The following SPATA6 variants were observed in gnomAD, a reference collection of about 807,000 sequenced individuals.
SPATA6 encodes the protein spermatogenesis-associated protein 6.
In SPATA6, 56 loss-of-function variants were observed where a neutral mutation model predicts 65.3. That is an observed-to-expected ratio of 0.86 (90% CI 0.69 to 1.07). SPATA6 has a LOEUF of 1.07. Among genes scored for constraint, SPATA6 ranks in the 50% least tolerant of loss-of-function variants. The probability of loss-of-function intolerance (pLI) is 0.00; values close to 1 mark genes in which losing one functional copy is unlikely to be tolerated. For synonymous variants in SPATA6, 199 were observed against 213.2 expected, an observed-to-expected ratio of 0.93 and a Z score of 0.58; for missense variants, 590 against 594.8, an observed-to-expected ratio of 0.99 and a Z score of 0.08.
At chr1:48,316,815 T>C (rs1645439524) in intron 11 of SPATA6, among the ~76,000 whole-genome samples, 2 of 152,056 alleles carry the variant, frequency 1.3e-5, no homozygotes, top group South Asian at 4.1e-4. Context: ...GAATCTGCAA[T>C]GAACTAAAAC....
Position 48,355,772 on chromosome 1 carries a change from G to A in SPATA6, c.1095-3C>T. On this transcript the variant is annotated splice_region_variant and splice_polypyrimidine_tract_variant and intron_variant, in intron 10 of 12. Coordinates refer to ENST00000371847, the MANE Select transcript of SPATA6 (RefSeq NM_019073.4). ...GTGAACACCAATCAGAATGAAATCT[G>A]TAGGCAAAAAATAAGTTTTATTTTT... 1.9e-6 allele frequency: 3 copies of A among 1,606,968 alleles called. 1 individual carries two copies. Among genetic ancestry groups the A allele is most frequent in the South Asian group, 2.2e-5 (2 of 89,752 alleles).
chr1:48,273,060 G>A, the SPATA6 span, among the ~76,000 whole-genome samples: 4 of 151,984 alleles, frequency 2.6e-5, no homozygotes, highest in African/African-American at 7.2e-5. Flanking sequence ...TCCTCATTCC[G>A]AATATTGTCT....
chr1:48,463,401 T>C (rs1441314586), intron 1 of SPATA6, among the ~76,000 whole-genome samples: 2 of 152,058 alleles, frequency 1.3e-5, no homozygotes, highest in African/African-American at 2.4e-5. Flanking sequence ...GTAAATCTTA[T>C]GCATCTTGGA....
chr1:48,330,530 G>C (rs1645884992), intron 11 of SPATA6, among the ~76,000 whole-genome samples: 1 of 152,232 alleles, frequency 6.6e-6, no homozygotes, highest in Non-Finnish European at 1.5e-5. Flanking sequence ...CTGGCTGGAG[G>C]GTGCAGCCTC....
chr1:48,433,575 TAAATC>T (rs1199120923), intron 3 of SPATA6, among the ~76,000 whole-genome samples: 1 of 152,130 alleles, frequency 6.6e-6, no homozygotes, highest in Non-Finnish European at 1.5e-5. Flanking sequence ...AGCAAAATAG[TAAATC>T]AAAAGGCTAT....
chr1:48,290,673 C>CAA (rs201609149), downstream of SPATA6, among the ~76,000 whole-genome samples: 1 of 150,986 alleles, frequency 6.6e-6, no homozygotes. Flanking sequence ...AAATGGAAAA[C>CAA]AAAAAAAAGC....
chr1:48,354,714 T>C (rs2175864), intron 11 of SPATA6, among the ~76,000 whole-genome samples: 37,242 of 151,928 alleles, frequency 0.25, 4,774 homozygotes, highest in Admixed American at 0.3. Flanking sequence ...CAATATTATA[T>C]CTTGCTGTTA....
At chr1:48,405,252 C>A (rs188752304) in intron 5 of SPATA6, among the ~76,000 whole-genome samples, 38 of 152,280 alleles carry the variant, frequency 2.5e-4, no homozygotes, top group Admixed American at 2.4e-3. Context: ...CTTCTGCAAA[C>A]GTATCTTCAT....
intron 7 of SPATA6, among the ~76,000 whole-genome samples, chr1:48,398,446 C>T (rs966695464): frequency 3.3e-5 from 5 of 151,610 alleles, no homozygotes; most frequent in African/African-American, 7.3e-5. Flanking sequence ...GGCATATTTA[C>T]ATGTTGGATG....
At chr1:48,471,830 T>C in intron 1 of SPATA6, 128 bp downstream of exon 1, 3 of 1,100,668 alleles carry the variant, frequency 2.7e-6, no homozygotes, top group Admixed American at 4.0e-5. Context: ...CGAAGGGGCG[T>C]GAGGTCGACG....
At position 48,399,719 on chromosome 1, in the gene SPATA6, A is replaced by T. The variant is rs963944106; in HGVS notation, c.487-75T>A. 11 of 1,340,124 alleles carry T rather than the reference A, an allele frequency of 8.2e-6. No individual in the cohort carries two copies. In the African/African-American group the frequency reaches 1.3e-4, roughly 16 times the overall value. 83.0% of individuals were successfully genotyped at this position (1,340,124 alleles called of 1,614,324 possible). A position where few individuals can be genotyped will look rare whatever the true frequency, so the allele number is the denominator to read the frequency against. On this transcript the variant is annotated intron_variant, in intron 6 of 12. Transcript: ENST00000371847. Reference sequence around the variant, plus strand: ...TCCTGTTGGTGGGGAAAAAATTAAAAAGTAATTTAAATAAGACGCAAAATC... The same window carrying T: ...TCCTGTTGGTGGGGAAAAAATTAAATAGTAATTTAAATAAGACGCAAAATC...
At chr1:48,443,854 A>AGGT (rs1655750951) in intron 3 of SPATA6, among the ~76,000 whole-genome samples, 1 of 152,092 alleles carries the variant, frequency 6.6e-6, no homozygotes, top group Non-Finnish European at 1.5e-5. Context: ...TGTTTCCTCT[A>AGGT]GGATCCAGGC....
chr1:48,312,660 G>T (rs1185281557), intron 11 of SPATA6, among the ~76,000 whole-genome samples: 2 of 152,190 alleles, frequency 1.3e-5, no homozygotes, highest in Admixed American at 6.5e-5. Context: ...CCAAAGGAAT[G>T]CAGCTCCTCA....
chr1:48,416,298 G>C (rs1316174862), intron 3 of SPATA6, among the ~76,000 whole-genome samples: 1 of 152,132 alleles, frequency 6.6e-6, no homozygotes, highest in African/African-American at 2.4e-5. Flanking sequence ...CATCTGACTT[G>C]TCTCAGAAAC....
chr1:48,273,270 G>T, the SPATA6 span, among the ~76,000 whole-genome samples: 37 of 152,174 alleles, frequency 2.4e-4, no homozygotes, highest in African/African-American at 8.7e-4. Flanking sequence ...AATCCATTTT[G>T]AGTTGATTTT....
At chr1:48,467,035 T>C (rs921643107) in intron 1 of SPATA6, among the ~76,000 whole-genome samples, 2 of 152,136 alleles carry the variant, frequency 1.3e-5, no homozygotes, top group Non-Finnish European at 1.5e-5. Context: ...AGACAAAAGT[T>C]TTAAAGATTT....
At position 48,403,834 on chromosome 1, in the gene SPATA6, A is replaced by G. The variant is rs764934360; in HGVS notation, c.454T>C (p.Cys152Arg). The change falls in exon 6 of 13, where the codon TGT (cysteine) becomes CGT (arginine). Residue 152 changes from cysteine (C) to arginine (R), a missense_variant. Transcript: ENST00000371847. ...TGGCATTTCCTTGAACTTATCAGAC[A>G]TTCAGTAATCACTGAAGTCGTAGAA... is the stretch of plus-strand genomic sequence containing the variant. Reference protein sequence around the residue: ...EFSTTSVITECLISSRKCHTQ... With the variant: ...EFSTTSVITERLISSRKCHTQ... 3.9e-5 allele frequency: 62 copies of G among 1,610,332 alleles called. No individual in the cohort carries two copies. In the Admixed American group the frequency reaches 9.8e-4, roughly 25 times the overall value.
At chr1:48,377,845 C>A (rs189881039) in intron 9 of SPATA6, among the ~76,000 whole-genome samples, 189 of 152,226 alleles carry the variant, frequency 1.2e-3, no homozygotes, top group Non-Finnish European at 2.2e-3. Context: ...AAAATTGTTG[C>A]TAAGAAGCAA....
At chr1:48,338,759 G>C (rs1037946002) in intron 11 of SPATA6, among the ~76,000 whole-genome samples, 1 of 151,956 alleles carries the variant, frequency 6.6e-6, no homozygotes, top group African/African-American at 2.4e-5. Context: ...TGCCAGGTTG[G>C]GGGTAAAATA....
Sources: gnomAD v4.1 joint callset for allele counts (sites outside exome capture counted in the v4.1 genomes callset) on GRCh38, gnomAD v4.1.1 for gene constraint, MANE v1.5 for transcripts, NCBI Gene and HGNC (gene_info 2026-07-23, HGNC 2026-07-21) for gene names.